The following MLXIP variants were observed in gnomAD, a reference collection of about 807,000 sequenced individuals.
MLXIP encodes the protein MLX-interacting protein.
Under a neutral mutation model 87.2 loss-of-function variants are expected in MLXIP, and 30 were observed. That is an observed-to-expected ratio of 0.34 (90% confidence interval 0.26 to 0.47). The LOEUF (loss-of-function observed/expected upper bound fraction) is 0.47. Among genes scored for constraint, MLXIP ranks in the 20% least tolerant of loss-of-function variants. MLXIP has a pLI of 1.00. For missense variants in MLXIP, 1,002 were observed against 1,240.1 expected, an observed-to-expected ratio of 0.81 and a Z score of 2.88; for synonymous variants, 530 against 514.0, an observed-to-expected ratio of 1.03 and a Z score of -0.42.
intron 1 of MLXIP, among the ~76,000 whole-genome samples, chr12:122,118,472 C>G (rs934624523): frequency 2.0e-4 from 31 of 152,214 alleles, no homozygotes; most frequent in Non-Finnish European, 5.9e-5. Flanking sequence ...GCACTCTTAC[C>G]TTTTCTTATG....
chr12:122,105,808 G>A (rs1411045984), intron 1 of MLXIP, among the ~76,000 whole-genome samples: 1 of 151,742 alleles, frequency 6.6e-6, no homozygotes, highest in African/African-American at 2.4e-5. Context: ...CCTTTTATAA[G>A]CCCTTTCCCC....
At chr12:122,114,815 G>A (rs1371537275) in intron 1 of MLXIP, among the ~76,000 whole-genome samples, 1 of 146,400 alleles carries the variant, frequency 6.8e-6, no homozygotes, top group Non-Finnish European at 1.5e-5. Flanking sequence ...GCACGATCTC[G>A]GCTCACCTCA....
chr12:122,114,936 G>A (rs932113393), intron 1 of MLXIP, among the ~76,000 whole-genome samples: 3 of 151,476 alleles, frequency 2.0e-5, no homozygotes, highest in African/African-American at 7.3e-5. Flanking sequence ...TAGTAGAGAT[G>A]GGGTTTCATC....
chr12:122,120,178 TTCTC>T (rs900805970), intron 1 of MLXIP, among the ~76,000 whole-genome samples: 3 of 150,012 alleles, frequency 2.0e-5, no homozygotes, highest in Non-Finnish European at 3.0e-5. Flanking sequence ...TCCCCCCTTC[TTCTC>T]TCTTTCTCTC....
Position 122,129,572 on chromosome 12 carries a change from G to T in MLXIP, c.697-16G>T, listed in dbSNP as rs1305321763. The T allele has an allele frequency of 6.2e-7, 1 of 1,613,262 alleles. No homozygotes were observed. The highest frequency in any genetic ancestry group is 2.2e-5 in the East Asian group (1 of 44,880). ...GGGCCATTGGTGACCGCCGTGTCCT[G>T]TCCCTTTGCCCACAGCTACAGCAGC... On this transcript the variant is annotated splice_polypyrimidine_tract_variant and intron_variant, in intron 4 of 16. Transcript: ENST00000319080.
intron 1 of MLXIP, among the ~76,000 whole-genome samples, chr12:122,080,289 G>A (rs1032222083): frequency 5.3e-5 from 8 of 152,112 alleles, no homozygotes; most frequent in African/African-American, 1.9e-4. Flanking sequence ...ATTAGGAACT[G>A]GACTAGCGGG....
At chr12:122,097,596 G>C (rs1952373658) in intron 1 of MLXIP, among the ~76,000 whole-genome samples, 1 of 145,028 alleles carries the variant, frequency 6.9e-6, no homozygotes, top group African/African-American at 2.8e-5. Flanking sequence ...CTGGGTGACA[G>C]AGTGAGACCC....
rs183601341 is a variant in MLXIP at position 122,137,155 on chromosome 12, A to C, written c.2033-314A>C. On this transcript the variant is annotated intron_variant, in intron 11 of 16. Coordinates refer to ENST00000319080, the MANE Select transcript of MLXIP (RefSeq NM_014938.6). The surrounding 1 kb of genome is among the most constrained non-coding windows in gnomAD (Gnocchi z 4.1). ...GCTCTATAAAAAATGTTTTTTAATT[A>C]AAAAATATAATAATAATAAAGAGCC... 1 of 167,178 alleles carries C rather than the reference A, an allele frequency of 6.0e-6. No individual in the cohort carries two copies. Among genetic ancestry groups the C allele is most frequent in the Non-Finnish European group, 1.3e-5 (1 of 78,320 alleles). 10.4% of individuals were successfully genotyped at this position (167,178 alleles called of 1,614,324 possible).
At chr12:122,131,175 C>T (rs1460105658) in intron 7 of MLXIP, among the ~76,000 whole-genome samples, 2 of 152,208 alleles carry the variant, frequency 1.3e-5, no homozygotes, top group Middle Eastern at 3.4e-3. Context: ...AGTTCTCCCT[C>T]GAAGCAGCAG....
chr12:122,129,685 T>A, intron 5 of MLXIP, 56 bp downstream of exon 5: 3 of 1,596,688 alleles, frequency 1.9e-6, no homozygotes, highest in Non-Finnish European at 1.7e-6. Context: ...CAGCAGGGAC[T>A]TCGGTGGCCC....
intron 1 of MLXIP, among the ~76,000 whole-genome samples, chr12:122,089,051 G>C (rs1313666238): frequency 6.6e-6 from 1 of 151,036 alleles, no homozygotes; most frequent in East Asian, 1.9e-4. Flanking sequence ...GTGTGGTGGT[G>C]CCTGTCTGTA....
chr12:122,139,102 T>A, intron 15 of MLXIP, 164 bp downstream of exon 15: 1 of 689,342 alleles, frequency 1.5e-6, no homozygotes. Context: ...TGGTCCGGCC[T>A]GGCCTGCTGT....
chr12:122,092,369 G>A (rs1952259121), intron 1 of MLXIP, among the ~76,000 whole-genome samples: 1 of 152,152 alleles, frequency 6.6e-6, no homozygotes, highest in Non-Finnish European at 1.5e-5. Context: ...AAAGTGCTGG[G>A]ATTACAGGTG....
intron 1 of MLXIP, among the ~76,000 whole-genome samples, chr12:122,120,677 T>C (rs1417768563): frequency 6.6e-6 from 1 of 152,192 alleles, no homozygotes; most frequent in Non-Finnish European, 1.5e-5. Context: ...AAGCTGAGGA[T>C]ATGGCTTGTA....
At chr12:122,141,620 G>A in intron 16 of MLXIP, 71 bp from the exon 17 acceptor site, 1 of 1,579,792 alleles carries the variant, frequency 6.3e-7, no homozygotes, top group Non-Finnish European at 8.6e-7. Context: ...TGGGTTGTAG[G>A]TACAAAGCCG....
rs1253195603 is a variant in MLXIP at position 122,093,801 on chromosome 12, G to A, written c.413+14535G>A. ...TGTATTTGCAGTGTCTGTGTGTGTC[G>A]GTGTGTGTCGTGTGTTGGTGTGTGT... is the stretch of plus-strand genomic sequence containing the variant. On this transcript the variant is annotated intron_variant, in intron 1 of 16. Coordinates refer to ENST00000319080, the MANE Select transcript of MLXIP (RefSeq NM_014938.6). Among the ~76,000 whole-genome samples, 6 of 140,506 alleles carry A rather than the reference G, an allele frequency of 4.3e-5. 1 individual carries two copies. The South Asian group carries it at 7.1e-4, about 17-fold the overall frequency. The allele number at this position is 140,506 out of a possible 152,430, so 92.2% of individuals were successfully genotyped here.
intron 1 of MLXIP, among the ~76,000 whole-genome samples, chr12:122,088,324 C>T (rs1026415081): frequency 1.3e-5 from 2 of 152,184 alleles, no homozygotes; most frequent in African/African-American, 4.8e-5. Flanking sequence ...GCTTTGAATA[C>T]CCTAGAGACC....
rs149322463 is a variant in MLXIP at position 122,133,737 on chromosome 12, C to T, written c.1482C>T (p.His494=). 19 of 1,613,634 alleles carry T rather than the reference C, an allele frequency of 1.2e-5. No individual in the cohort carries two copies. The highest frequency in any genetic ancestry group is 2.2e-5 in the East Asian group (1 of 44,872). The change falls in exon 9 of 17, where the codon CAC becomes CAT. Residue 494 remains histidine, a synonymous_variant. Coordinates refer to ENST00000319080, the MANE Select transcript of MLXIP (RefSeq NM_014938.6). The surrounding 1 kb of genome is among the most constrained non-coding windows in gnomAD (Gnocchi z 4.9). The part of the protein sequence containing the change: ...ITHTASATLT[H]DAPATTFSQS... The stretch of plus-strand genomic sequence containing the variant: ...ACACGGCCTCTGCCACCCTCACCCA[C>T]GATGCCCCCGCCACCACCTTTAGCC...
chr12:122,111,650 A>C lies in MLXIP; in HGVS notation c.414-15606A>C, dbSNP rs531970717. On this transcript the variant is annotated intron_variant, in intron 1 of 16. Coordinates refer to ENST00000319080, the MANE Select transcript of MLXIP (RefSeq NM_014938.6). ...ATGTCAAACACAATAAAATGAGGAT[A>C]GTGCTTGTGTTTGAGTGGTATAACT... Among the ~76,000 whole-genome samples, 4 of 152,242 alleles carry C rather than the reference A, an allele frequency of 2.6e-5. No individual in the cohort carries two copies. The East Asian group carries it at 7.7e-4, about 29-fold the overall frequency.
Sources: allele counts gnomAD v4.1 joint callset (sites outside exome capture counted in the v4.1 genomes callset), GRCh38; gene constraint gnomAD v4.1.1; non-coding constraint Gnocchi (gnomAD v3.1); transcripts MANE v1.5; gene names NCBI Gene and HGNC (gene_info 2026-07-23, HGNC 2026-07-21).